FMN1: variants seen among roughly 807,000 people sequenced by gnomAD.
FMN1 encodes formin-1.
In FMN1, 110 loss-of-function variants were observed where a neutral mutation model predicts 132.4. The observed-to-expected ratio is 0.83, with a 90% CI of 0.71 to 0.97. The LOEUF is 0.97. Among genes scored for constraint, FMN1 ranks in the 50% least tolerant of loss-of-function variants. The pLI, the probability that FMN1 is intolerant of heterozygous loss-of-function variation, is 0.00. For synonymous variants in FMN1, 722 were observed against 651.7 expected, an observed-to-expected ratio of 1.11 and a Z score of -1.64; for missense variants, 1,792 against 1,705.3, an observed-to-expected ratio of 1.05 and a Z score of -0.90.
intron 17 of FMN1, among the ~76,000 whole-genome samples, chr15:32,854,565 A>G (rs1023016304): frequency 3.3e-5 from 5 of 152,212 alleles, no homozygotes; most frequent in Non-Finnish European, 7.3e-5. Flanking sequence ...CTTTTACCTC[A>G]TCTGTAAAGT....
At chr15:32,830,421 TTTAA>T (rs1463051397) in intron 17 of FMN1, among the ~76,000 whole-genome samples, 2 of 152,198 alleles carry the variant, frequency 1.3e-5, no homozygotes, top group Non-Finnish European at 2.9e-5. Flanking sequence ...GTTGAAATAG[TTTAA>T]TTTTCCTTTT....
rs56842353 is a variant in FMN1 at position 32,995,099 on chromosome 15, C to CAT, written c.2223+12913_2223+12914dup. Reference sequence around the variant, plus strand: ...AAATACTCAGCCTATCACACAGAAGCATATATATATATATGTATATATGCA... The same window carrying CAT: ...AAATACTCAGCCTATCACACAGAAGCATATATATATATATATGTATATATGCA... On this transcript the variant is annotated intron_variant, in intron 7 of 20. Coordinates refer to ENST00000616417, the MANE Select transcript of FMN1 (RefSeq NM_001277313.2). 6.9e-3 allele frequency among the ~76,000 whole-genome samples: 1,035 copies of CAT among 150,466 alleles called. 9 individuals are homozygous for CAT. The highest frequency in any genetic ancestry group is 0.013 in the African/African-American group (533 of 41,120).
intron 9 of FMN1, among the ~76,000 whole-genome samples, chr15:32,937,848 T>A (rs1403925386): frequency 6.6e-6 from 1 of 152,182 alleles, no homozygotes; most frequent in African/African-American, 2.4e-5. Context: ...AAACATATAT[T>A]TTAAAAGATC....
chr15:32,901,822 GT>G (rs1466771618), intron 13 of FMN1, 88 bp downstream of exon 13: 1 of 1,084,268 alleles, frequency 9.2e-7, no homozygotes, highest in Non-Finnish European at 1.3e-6. Context: ...GTCCAAAAAG[GT>G]TTCTATAATG....
At chr15:32,866,685 G>T (rs1381476121) in intron 16 of FMN1, among the ~76,000 whole-genome samples, 2 of 152,020 alleles carry the variant, frequency 1.3e-5, no homozygotes, top group African/African-American at 4.8e-5. Flanking sequence ...CTTGTTTCAT[G>T]ACCCACTGAA....
At position 33,066,929 on chromosome 15, in the gene FMN1, A is replaced by G. The variant is rs779933706; in HGVS notation, c.2044-1855T>C. ...CTTCACTGTCTGCAGCCCTGCCTGC[A>G]CTAAGGACTTCTGCACAGGCTGCGT... is the stretch of plus-strand genomic sequence containing the variant. On this transcript the variant is annotated intron_variant, in intron 5 of 20. Coordinates refer to ENST00000616417, the MANE Select transcript of FMN1 (RefSeq NM_001277313.2). 2.5e-6 allele frequency: 4 copies of G among 1,613,942 alleles called. No individual in the cohort carries two copies. Among genetic ancestry groups the G allele is most frequent in the Non-Finnish European group, 2.5e-6 (3 of 1,179,856 alleles).
chr15:33,126,306 T>G (rs1009330752), intron 4 of FMN1, among the ~76,000 whole-genome samples: 1 of 152,088 alleles, frequency 6.6e-6, no homozygotes, highest in Non-Finnish European at 1.5e-5. Context: ...CAGGCCCTCA[T>G]GGATGGGCAA....
At chr15:32,986,305 AAAC>A (rs2033066444) in intron 7 of FMN1, among the ~76,000 whole-genome samples, 1 of 152,166 alleles carries the variant, frequency 6.6e-6, no homozygotes, top group Admixed American at 6.5e-5. Context: ...ATATGCTTGA[AAAC>A]AACAGTGAGA....
chr15:32,918,481 T>C (rs1266803090), intron 10 of FMN1, among the ~76,000 whole-genome samples: 1 of 152,126 alleles, frequency 6.6e-6, no homozygotes, highest in Non-Finnish European at 1.5e-5. Context: ...AAAGGGATAC[T>C]TATCTAATCT....
chr15:32,828,708 G>A (rs2058431249), intron 17 of FMN1, among the ~76,000 whole-genome samples: 1 of 152,130 alleles, frequency 6.6e-6, no homozygotes, highest in African/African-American at 2.4e-5. Flanking sequence ...CAGAAGAAGG[G>A]ATTTAGCCCT....
At chr15:33,018,180 G>A (rs1447656733) in intron 6 of FMN1, among the ~76,000 whole-genome samples, 1 of 152,188 alleles carries the variant, frequency 6.6e-6, no homozygotes, top group Non-Finnish European at 1.5e-5. Flanking sequence ...CCTTGTGCAT[G>A]AGATTAGTGT....
At chr15:33,087,926 G>A (rs776634637) in intron 5 of FMN1, among the ~76,000 whole-genome samples, 18 of 151,990 alleles carry the variant, frequency 1.2e-4, no homozygotes, top group Non-Finnish European at 2.2e-4. Flanking sequence ...GGGTAAAATC[G>A]GAGACTATTA....
intron 13 of FMN1, among the ~76,000 whole-genome samples, chr15:32,900,577 AGTATGT>A (rs2060270401): frequency 6.6e-6 from 1 of 152,244 alleles, no homozygotes; most frequent in Non-Finnish European, 1.5e-5. Flanking sequence ...ATACAGAAGA[AGTATGT>A]TCTTCTTTAT....
chr15:33,136,847 G>T (rs554196108), intron 4 of FMN1, among the ~76,000 whole-genome samples: 10 of 152,156 alleles, frequency 6.6e-5, no homozygotes, highest in African/African-American at 2.2e-4. Context: ...CAGCACTTTG[G>T]GAGGCCAACG....
At chr15:33,003,534 A>G (rs962545378) in intron 7 of FMN1, among the ~76,000 whole-genome samples, 1 of 152,238 alleles carries the variant, frequency 6.6e-6, no homozygotes, top group African/African-American at 2.4e-5. Context: ...CCACTGCTCA[A>G]TGAAATAAAA....
chr15:32,811,280 T>C (rs781132651), intron 17 of FMN1, among the ~76,000 whole-genome samples: 56 of 152,160 alleles, frequency 3.7e-4, no homozygotes, highest in Admixed American at 1.4e-3. Flanking sequence ...AGAAGAGTGA[T>C]CATTTCTGGT....
intron 16 of FMN1, among the ~76,000 whole-genome samples, chr15:32,872,724 G>A (rs1265111956): frequency 6.6e-6 from 1 of 152,214 alleles, no homozygotes; most frequent in Non-Finnish European, 1.5e-5. Flanking sequence ...GATACACAAG[G>A]CCTATTAGTA....
At position 32,924,635 on chromosome 15, in the gene FMN1, A is replaced by G. The variant is rs368503056; in HGVS notation, c.3226+1539T>C. ...GTGAAATGTCAATATAAAGATTTAC[A>G]TTTGCTGGGCATAGTGGCTCACGCC... On this transcript the variant is annotated intron_variant, in intron 10 of 20. Transcript: ENST00000616417. Among the ~76,000 whole-genome samples, 122 of 152,314 alleles carry G rather than the reference A, an allele frequency of 8.0e-4. 1 individual carries two copies. The South Asian group carries it at 0.025, about 31-fold the overall frequency.
intron 3 of FMN1, among the ~76,000 whole-genome samples, chr15:33,175,032 AT>A (rs766660815): frequency 0.016 from 2,204 of 138,604 alleles, 57 homozygotes; most frequent in African/African-American, 0.05. Context: ...GGAGGAAACG[AT>A]TTTTTTTTTT....
Sources: gnomAD v4.1 joint callset for allele counts (sites outside exome capture counted in the v4.1 genomes callset) on GRCh38, gnomAD v4.1.1 for gene constraint, MANE v1.5 for transcripts, NCBI Gene and HGNC (gene_info 2026-07-23, HGNC 2026-07-21) for gene names.